ADCY9: variants seen among roughly 807,000 people sequenced by gnomAD.
ADCY9 encodes adenylate cyclase 9.
In ADCY9, 50 loss-of-function variants were observed where a neutral mutation model predicts 101.5. The ratio of observed to expected loss-of-function variants is 0.49; its 90% CI spans 0.39 to 0.62. ADCY9 has a LOEUF of 0.62. Among genes scored for constraint, ADCY9 ranks in the 20% least tolerant of loss-of-function variants. The pLI is 0.00. For synonymous variants in ADCY9, 905 were observed against 769.3 expected, an observed-to-expected ratio of 1.18 and a Z score of -2.92; for missense variants, 1,662 against 1,800.4, an observed-to-expected ratio of 0.92 and a Z score of 1.39.
At chr16:4,004,383 G>A (rs2056353173) in intron 3 of ADCY9, among the ~76,000 whole-genome samples, 2 of 152,034 alleles carry the variant, frequency 1.3e-5, no homozygotes, top group Non-Finnish European at 2.9e-5. Flanking sequence ...ACAGTACACA[G>A]GTTATGTTAC....
intron 2 of ADCY9, among the ~76,000 whole-genome samples, chr16:4,020,201 T>C (rs2056465687): frequency 6.6e-6 from 1 of 152,356 alleles, no homozygotes; most frequent in South Asian, 2.1e-4. Context: ...GAAATGTAGC[T>C]AGTATGAACA....
chr16:4,082,289 G>C (rs2056908287), intron 2 of ADCY9, among the ~76,000 whole-genome samples: 1 of 152,138 alleles, frequency 6.6e-6, no homozygotes, highest in African/African-American at 2.4e-5. Flanking sequence ...TGAGGCAGGA[G>C]GATGGCTAGA....
chr16:4,062,294 T>C (rs963598864), intron 2 of ADCY9, among the ~76,000 whole-genome samples: 1 of 151,910 alleles, frequency 6.6e-6, no homozygotes, highest in East Asian at 1.9e-4. Flanking sequence ...CACTAGAAAA[T>C]ATCTATTTAA....
In ADCY9 at chr16:3,966,194, C is replaced by T. The variant is rs369920383; in HGVS notation, c.3643G>A (p.Val1215Ile). 6.7e-5 allele frequency: 108 copies of T among 1,614,224 alleles called. No homozygotes were observed. The highest frequency in any genetic ancestry group is 2.2e-4 in the East Asian group (10 of 44,884). Residue 1215 changes from valine to isoleucine, a missense_variant, in exon 11 of 11, where the codon GTC becomes ATC. Around this residue, in one of 5 missense-constraint regions of ADCY9, gnomAD observed 220 missense variants for 312.9 expected, o/e 0.70. Coordinates refer to ENST00000294016, the MANE Select transcript of ADCY9 (RefSeq NM_001116.4). ...RIQVSEESYR[V>I]LSKMGYDFDY... ...AAGTCATAGCCCATCTTGCTCAAGA[C>T]GCGGTAGCTCTCTTCGCTCACCTGG...
chr16:4,099,582 A>G (rs1004281694), intron 2 of ADCY9, among the ~76,000 whole-genome samples: 7 of 152,334 alleles, frequency 4.6e-5, no homozygotes, highest in Non-Finnish European at 2.9e-5. Context: ...ATCAAAGACC[A>G]CTGGGGTTGC....
Position 4,037,762 on chromosome 16 carries a change from C to T in ADCY9, c.1694-30204G>A, listed in dbSNP as rs144001107. On this transcript the variant is annotated intron_variant, in intron 2 of 10. Transcript: ENST00000294016. ...GTAATGCTCTTGACTAACTGTGCCA[C>T]GTTTACAACTGTCTTTGAGCGGAGA... Among the ~76,000 whole-genome samples the T allele has an allele frequency of 2.1e-3, 320 of 152,230 alleles. 3 individuals are homozygous for T. Among genetic ancestry groups the T allele is most frequent in the South Asian group, 0.019 (94 of 4,824 alleles).
intron 2 of ADCY9, among the ~76,000 whole-genome samples, chr16:4,009,295 A>C (rs971107307): frequency 2.0e-5 from 3 of 152,084 alleles, no homozygotes; most frequent in Non-Finnish European, 2.9e-5. Flanking sequence ...CTTTAGAGAT[A>C]GGGTCTTGCT....
At chr16:4,010,546 C>G (rs2056397046) in intron 2 of ADCY9, among the ~76,000 whole-genome samples, 1 of 152,240 alleles carries the variant, frequency 6.6e-6, no homozygotes, top group Non-Finnish European at 1.5e-5. Flanking sequence ...TTCCTGTTTA[C>G]TACACACTGA....
chr16:4,084,887 C>A (rs981515863), intron 2 of ADCY9, among the ~76,000 whole-genome samples: 3 of 152,142 alleles, frequency 2.0e-5, no homozygotes, highest in Non-Finnish European at 4.4e-5. Context: ...ACTTAACTTG[C>A]GCATTTATGA....
chr16:4,085,642 C>T (rs1475186688), intron 2 of ADCY9, among the ~76,000 whole-genome samples: 2 of 152,034 alleles, frequency 1.3e-5, no homozygotes, highest in Non-Finnish European at 2.9e-5. Flanking sequence ...AGGACCTCGT[C>T]GAAGAGGGAG....
At chr16:3,980,573 G>A (rs1163272338) in intron 7 of ADCY9, among the ~76,000 whole-genome samples, 1 of 152,154 alleles carries the variant, frequency 6.6e-6, no homozygotes, top group Admixed American at 6.5e-5. Context: ...CCCAGCCTTC[G>A]GGCCTGAACA....
intron 2 of ADCY9, among the ~76,000 whole-genome samples, chr16:4,101,516 C>T (rs996729385): frequency 5.9e-5 from 9 of 152,076 alleles, no homozygotes; most frequent in Admixed American, 2.0e-4. Context: ...TGGACTCAAG[C>T]GATCCTCCTA....
intron 3 of ADCY9, among the ~76,000 whole-genome samples, chr16:4,004,564 C>T (rs777687174): frequency 6.6e-6 from 1 of 152,184 alleles, no homozygotes; most frequent in Non-Finnish European, 1.5e-5. Context: ...TGCATCGCTC[C>T]ATGTGTTTAA....
chr16:4,084,883 C>T (rs967620371), intron 2 of ADCY9, among the ~76,000 whole-genome samples: 3 of 152,136 alleles, frequency 2.0e-5, no homozygotes, highest in Admixed American at 6.5e-5. Context: ...AACTACTTAA[C>T]TTGCGCATTT....
At chr16:4,058,157 TAAAA>T (rs56278937) in intron 2 of ADCY9, among the ~76,000 whole-genome samples, 1 of 125,748 alleles carries the variant, frequency 8.0e-6, no homozygotes, top group Non-Finnish European at 1.7e-5. Flanking sequence ...AGACTCTGTC[TAAAA>T]AAAAAAAAAA....
At chr16:3,958,306 C>T (rs2141662643), downstream of ADCY9, among the ~76,000 whole-genome samples, 1 of 152,286 alleles carries the variant, frequency 6.6e-6, no homozygotes, top group East Asian at 1.9e-4. Flanking sequence ...CTCTGGTAGC[C>T]TGAGGCGGGC....
intron 2 of ADCY9, among the ~76,000 whole-genome samples, chr16:4,062,700 C>T (rs571414971): frequency 6.6e-6 from 1 of 151,858 alleles, no homozygotes; most frequent in South Asian, 2.1e-4. Flanking sequence ...AACAAAAACA[C>T]AAAAAAATCC....
intron 2 of ADCY9, among the ~76,000 whole-genome samples, chr16:4,067,075 T>C (rs1412268360): frequency 1.3e-5 from 2 of 152,040 alleles, no homozygotes; most frequent in Non-Finnish European, 2.9e-5. Context: ...CCCAGCTCTA[T>C]GAAAGAGTTT....
intron 2 of ADCY9, among the ~76,000 whole-genome samples, chr16:4,082,934 C>T (rs1480835312): frequency 6.6e-6 from 1 of 152,216 alleles, no homozygotes; most frequent in African/African-American, 2.4e-5. Flanking sequence ...TAAAATAAGA[C>T]ATGCAGGATT....
Sources: gnomAD v4.1 joint callset for allele counts (sites outside exome capture counted in the v4.1 genomes callset) on GRCh38, gnomAD v4.1.1 for gene constraint, gnomAD v4.1.1 regional missense constraint, MANE v1.5 for transcripts, NCBI Gene and HGNC (gene_info 2026-07-23, HGNC 2026-07-21) for gene names.